The following CALHM1 variants were observed in gnomAD, a reference collection of about 807,000 sequenced individuals.
The protein encoded by CALHM1 is calcium homeostasis modulator 1, also known as calcium homeostasis modulator protein 1.
Under a neutral mutation model 14.8 loss-of-function variants are expected in CALHM1, and 11 were observed. That is an observed-to-expected ratio of 0.74 (90% CI 0.47 to 1.23). CALHM1 has a LOEUF of 1.23. CALHM1 is among the 50% of genes most tolerant of loss of function. CALHM1 has a pLI of 0.00. For missense variants in CALHM1, 458 were observed against 496.4 expected (o/e 0.92, Z 0.74); for synonymous variants, 215 against 218.9 (o/e 0.98, Z 0.16).
In CALHM1 at chr10:103,455,112, G is replaced by T; in HGVS notation, c.*150C>A. 8.3e-7 allele frequency: 1 copy of T among 1,199,810 alleles called. No individual in the cohort carries two copies. The highest frequency in any genetic ancestry group is 1.1e-6 in the Non-Finnish European group (1 of 884,816). The allele number at this position is 1,199,810 out of a possible 1,614,324, so 74.3% of individuals were successfully genotyped here. ...ATCCCCTTCCAGCTCCAAATTTCCT[G>T]CCTCCAATGGGCAGGCGAGTGCTAG... is the stretch of plus-strand genomic sequence containing the variant. On this transcript the variant is annotated 3_prime_UTR_variant, in exon 2 of 2. Transcript: ENST00000329905.
At position 103,455,495 on chromosome 10, in the gene CALHM1, C is replaced by T. The variant is rs1428613690; in HGVS notation, c.808G>A (p.Ala270Thr). The part of the protein sequence containing the change: ...LGHTHGTLAT[A>T]PASAAAPTTP... ...GTGGGGGCAGCTGCGGAAGCAGGGG[C>T]CGTGGCCAGTGTCCCGTGGGTGTGA... The change falls in exon 2 of 2, where the codon GCC becomes ACC. Residue 270 changes from alanine (A) to threonine (T), a missense_variant. By Grantham distance (58) the Ala-to-Thr change is moderately conservative. Transcript: ENST00000329905. The T allele has an allele frequency of 7.4e-6, 12 of 1,613,286 alleles. No homozygotes were observed. The highest frequency in any genetic ancestry group is 1.0e-5 in the Non-Finnish European group (12 of 1,179,824).
At position 103,456,302 on chromosome 10, in the gene CALHM1, T is replaced by TA. The variant is rs573429681; in HGVS notation, c.556-556dup. Among the ~76,000 whole-genome samples, 280 of 152,332 alleles carry TA rather than the reference T, an allele frequency of 1.8e-3. 1 individual carries two copies. The highest frequency in any genetic ancestry group is 6.5e-3 in the African/African-American group (271 of 41,578). On this transcript the variant is annotated intron_variant, in intron 1 of 1. Coordinates refer to ENST00000329905, the MANE Select transcript of CALHM1 (RefSeq NM_001001412.4). Reference sequence around the variant, plus strand: ...AGCCTTCCTTGATCTCCCCAGGCCATAGTGGCCCATTTTCCTCTGAGTCCT... The same window carrying TA: ...AGCCTTCCTTGATCTCCCCAGGCCATAAGTGGCCCATTTTCCTCTGAGTCCT...
At chr10:103,456,312 T>A (rs2033150113) in intron 1 of CALHM1, among the ~76,000 whole-genome samples, 1 of 152,194 alleles carries the variant, frequency 6.6e-6, no homozygotes, top group Non-Finnish European at 1.5e-5. Flanking sequence ...TAGTGGCCCA[T>A]TTTCCTCTGA....
chr10:103,458,857 C>G lies in CALHM1; in HGVS notation c.-106G>C. On this transcript the variant is annotated 5_prime_UTR_variant, in exon 1 of 2. Transcript: ENST00000329905. This position sits in a 1 kb window ranked among gnomAD's most constrained non-coding sequence, Gnocchi z 4.9. ...GTGCCCACCTCATGACTCGGGCTCT[C>G]CTGGCTGGGACCAACAGAGCTCAGA... 1 of 1,177,262 alleles carries G rather than the reference C, an allele frequency of 8.5e-7. No individual in the cohort carries two copies. Among genetic ancestry groups the G allele is most frequent in the Non-Finnish European group, 1.2e-6 (1 of 855,294 alleles). 72.9% of individuals were successfully genotyped at this position (1,177,262 alleles called of 1,614,324 possible). A position where few individuals can be genotyped will look rare whatever the true frequency, so the allele number is the denominator to read the frequency against.
Position 103,458,298 on chromosome 10 carries a change from G to C in CALHM1, c.454C>G (p.Leu152Val). Residue 152 changes from leucine (L) to valine (V), a missense_variant, in exon 1 of 2, where the codon CTC becomes GTC. Physicochemically the swap from Leu to Val is conservative, Grantham distance 32. Coordinates refer to ENST00000329905, the MANE Select transcript of CALHM1 (RefSeq NM_001001412.4). The surrounding 1 kb of genome is among the most constrained non-coding windows in gnomAD (Gnocchi z 4.9). Reference protein sequence around the residue: ...SLAPGLPAPELARLLARVPCP... With the variant: ...SLAPGLPAPEVARLLARVPCP... ...GGCACCCGGGCCAGCAGGCGGGCGA[G>C]CTCGGGGGCAGGAAGGCCGGGTGCC... The C allele has an allele frequency of 6.2e-7, 1 of 1,611,844 alleles. No individual in the cohort carries two copies. Among genetic ancestry groups the C allele is most frequent in the Non-Finnish European group, 8.5e-7 (1 of 1,179,474 alleles).
Position 103,454,765 on chromosome 10 carries a change from G to A in CALHM1, c.*497C>T, listed in dbSNP as rs116813635. 2.2e-3 allele frequency: 349 copies of A among 160,846 alleles called. No individual in the cohort carries two copies. The highest frequency in any genetic ancestry group is 7.1e-3 in the African/African-American group (295 of 41,696). 10.0% of individuals were successfully genotyped at this position (160,846 alleles called of 1,614,324 possible). A position where few individuals can be genotyped will look rare whatever the true frequency, so the allele number is the denominator to read the frequency against. ...TGTCATGTCCTTATGGACCTGCCCC[G>A]GCACACCCAGTCTCACCTACGACAC... On this transcript the variant is annotated 3_prime_UTR_variant, in exon 2 of 2. Transcript: ENST00000329905.
Position 103,458,784 on chromosome 10 carries a change from C to A in CALHM1, c.-33G>T. The A allele has an allele frequency of 6.4e-7, 1 of 1,563,512 alleles. No homozygotes were observed. Among genetic ancestry groups the A allele is most frequent in the South Asian group, 1.2e-5 (1 of 82,430 alleles). On this transcript the variant is annotated 5_prime_UTR_variant, in exon 1 of 2. Coordinates refer to ENST00000329905, the MANE Select transcript of CALHM1 (RefSeq NM_001001412.4). This position sits in a 1 kb window ranked among gnomAD's most constrained non-coding sequence, Gnocchi z 4.9. Reference sequence around the variant, plus strand: ...GTGGGGCCCGGCCTCCTCTTCCCAACTCACTGCTGCCTCCAAGAGGGCCCC... The same window carrying A: ...GTGGGGCCCGGCCTCCTCTTCCCAAATCACTGCTGCCTCCAAGAGGGCCCC...
At chr10:103,456,772 C>T (rs1007199693) in intron 1 of CALHM1, among the ~76,000 whole-genome samples, 3 of 152,156 alleles carry the variant, frequency 2.0e-5, no homozygotes, top group Non-Finnish European at 2.9e-5. Flanking sequence ...TGAAAAATTC[C>T]GATTTTTATT....
Position 103,453,954 on chromosome 10 carries a change from C to T in CALHM1, c.*1308G>A, listed in dbSNP as rs1019338167. 2.6e-5 allele frequency: 4 copies of T among 152,308 alleles called. No homozygotes were observed. Among genetic ancestry groups the T allele is most frequent in the Admixed American group, 2.6e-4 (4 of 15,300 alleles). 9.4% of individuals were successfully genotyped at this position (152,308 alleles called of 1,614,324 possible). A position where few individuals can be genotyped will look rare whatever the true frequency, so the allele number is the denominator to read the frequency against. ...TGGATAAAAAAGGATGGAATCATGC[C>T]AAGATCAAAATGAATCCTTAGATGC... is the stretch of plus-strand genomic sequence containing the variant. On this transcript the variant is annotated 3_prime_UTR_variant, in exon 2 of 2. Coordinates refer to ENST00000329905, the MANE Select transcript of CALHM1 (RefSeq NM_001001412.4).
Position 103,455,347 on chromosome 10 carries a change from TC to T in CALHM1, c.955del (p.Glu319SerfsTer4), listed in dbSNP as rs1325741443. ...CCAGCCGTTGCCCATCAGCGGTGGC[TC>T]CTCCTGGCCCAGCCGCAGAGGCGGT... is the stretch of plus-strand genomic sequence containing the variant. ...CKPPLRLGQEEPPLMGNGWAG... is the reference protein window; with the variant it reads ...CKPPLRLGQEXPPLMGNGWAG... On this transcript the variant is annotated frameshift_variant, in exon 2 of 2. Coordinates refer to ENST00000329905, the MANE Select transcript of CALHM1 (RefSeq NM_001001412.4). LOFTEE classifies it high-confidence loss of function. The T allele has an allele frequency of 6.2e-7, 1 of 1,613,374 alleles. No homozygotes were observed. The highest frequency in any genetic ancestry group is 8.5e-7 in the Non-Finnish European group (1 of 1,179,982).
chr10:103,458,416 G>C lies in CALHM1; in HGVS notation c.336C>G (p.Val112=), dbSNP rs200862357. The change falls in exon 1 of 2, where the codon GTC becomes GTG. Residue 112 remains valine (V), a synonymous_variant. Coordinates refer to ENST00000329905, the MANE Select transcript of CALHM1 (RefSeq NM_001001412.4). The surrounding 1 kb of genome is among the most constrained non-coding windows in gnomAD (Gnocchi z 4.9). ...CGAGTAGCGTGACGGCCACCCAGAC[G>C]ACAGGCGCGATGAGGGCGCGCTGGG... ...SMAQRALIAP[V]VWVAVTLLDG... The C allele has an allele frequency of 1.2e-6, 2 of 1,609,396 alleles. No individual in the cohort carries two copies. The highest frequency in any genetic ancestry group is 1.1e-5 in the South Asian group (1 of 90,868).
In CALHM1 at chr10:103,455,186, CT is replaced by C; in HGVS notation, c.*75del. The C allele has an allele frequency of 5.4e-6, 8 of 1,482,118 alleles. No homozygotes were observed. The highest frequency in any genetic ancestry group is 7.2e-6 in the Non-Finnish European group (8 of 1,115,326). The allele number at this position is 1,482,118 out of a possible 1,614,324, so 91.8% of individuals were successfully genotyped here. On this transcript the variant is annotated 3_prime_UTR_variant, in exon 2 of 2. Transcript: ENST00000329905. The stretch of plus-strand genomic sequence containing the variant: ...GTACTGCCCAGCACTGAAACCCTTC[CT>C]TTTTCCACCTGGTTTGGGGGTTGGA...
intron 1 of CALHM1, 120 bp from the exon 2 acceptor site, chr10:103,455,867 AG>A: frequency 1.6e-6 from 2 of 1,246,502 alleles, no homozygotes; most frequent in East Asian, 2.5e-5. Context: ...TGGGCAAGTG[AG>A]CTTGCCTCTT....
Position 103,458,795 on chromosome 10 carries a change from C to A in CALHM1, c.-44G>T. On this transcript the variant is annotated 5_prime_UTR_variant, in exon 1 of 2. The change creates a new upstream start codon in the 5' untranslated region. Transcript: ENST00000329905. This position sits in a 1 kb window ranked among gnomAD's most constrained non-coding sequence, Gnocchi z 4.9. Reference sequence around the variant, plus strand: ...CCTCCTCTTCCCAACTCACTGCTGCCTCCAAGAGGGCCCCTGCTGCCCACC... The same window carrying A: ...CCTCCTCTTCCCAACTCACTGCTGCATCCAAGAGGGCCCCTGCTGCCCACC... 1 of 1,544,516 alleles carries A rather than the reference C, an allele frequency of 6.5e-7. No individual in the cohort carries two copies. Among genetic ancestry groups the A allele is most frequent in the Non-Finnish European group, 8.7e-7 (1 of 1,148,742 alleles).
At position 103,455,819 on chromosome 10, in the gene CALHM1, C is replaced by T. The variant is rs7072564; in HGVS notation, c.556-72G>A. On this transcript the variant is annotated intron_variant, in intron 1 of 1. Transcript: ENST00000329905. The stretch of plus-strand genomic sequence containing the variant: ...CGAGCCTGTTCAGACTCCCAAAGCA[C>T]TCTCTATGCCAGTGCCTCTAGGGCA... 3,224 of 1,510,514 alleles carry T rather than the reference C, an allele frequency of 2.1e-3. 61 individuals carry two copies. The African/African-American group carries it at 0.039, about 18-fold the overall frequency. The allele number at this position is 1,510,514 out of a possible 1,614,324, so 93.6% of individuals were successfully genotyped here.
In CALHM1 at chr10:103,455,405, T is replaced by A. The variant is rs376188297; in HGVS notation, c.898A>T (p.Asn300Tyr). 1.9e-6 allele frequency: 3 copies of A among 1,614,042 alleles called. No individual in the cohort carries two copies. In the South Asian group the frequency reaches 3.3e-5, roughly 18 times the overall value. The change falls in exon 2 of 2, where the codon AAC becomes TAC. Residue 300 changes from asparagine to tyrosine, a missense_variant. Transcript: ENST00000329905. ...LRGITDQGTM[N>Y]RLLTSWHKCK... is the part of the protein sequence containing the mutation. ...TTGTGCCAGCTCGTGAGCAGCCTGT[T>A]CATGGTGCCTTGATCCGTGATGCCA...
rs1426934001 is a variant in CALHM1 at position 103,453,505 on chromosome 10, T to G, written c.*1757A>C. 6.6e-6 allele frequency: 1 copy of G among 152,024 alleles called. No homozygotes were observed. Among genetic ancestry groups the G allele is most frequent in the Non-Finnish European group, 1.5e-5 (1 of 68,016 alleles). The allele number at this position is 152,024 out of a possible 1,614,324, so 9.4% of individuals were successfully genotyped here. ...TCCAACTCCCAGGCTCAAGTGATCC[T>G]CCCTCCTTGGCCTCCCAAGTGCTGG... is the stretch of plus-strand genomic sequence containing the variant. On this transcript the variant is annotated 3_prime_UTR_variant, in exon 2 of 2. Coordinates refer to ENST00000329905, the MANE Select transcript of CALHM1 (RefSeq NM_001001412.4).
chr10:103,458,373 A>G lies in CALHM1; in HGVS notation c.379T>C (p.Cys127Arg). 6.2e-7 allele frequency: 1 copy of G among 1,609,830 alleles called. No homozygotes were observed. Residue 127 changes from cysteine to arginine, a missense_variant, in exon 1 of 2, where the codon TGT becomes CGT. Physicochemically the swap from Cys to Arg is radical, Grantham distance 180 (BLOSUM62 -3). Coordinates refer to ENST00000329905, the MANE Select transcript of CALHM1 (RefSeq NM_001001412.4). The surrounding 1 kb of genome is among the most constrained non-coding windows in gnomAD (Gnocchi z 4.9). ...VTLLDGKCFL[C>R]AFCTAVPVSA... ...ACGGGCACGGCAGTGCAGAAGGCAC[A>G]GAGGAAGCATTTGCCGTCGAGTAGC...
rs1390207238 is a variant in CALHM1, at chr10:103,453,592, A to G, written c.*1670T>C. ...GTCTTCTAATATCCATTTTATAGAC[A>G]GACACACTGAGGCTTAGAGTGGCTG... On this transcript the variant is annotated 3_prime_UTR_variant, in exon 2 of 2. Transcript: ENST00000329905. 1 of 152,134 alleles carries G rather than the reference A, an allele frequency of 6.6e-6. No individual in the cohort carries two copies. Among genetic ancestry groups the G allele is most frequent in the East Asian group, 1.9e-4 (1 of 5,178 alleles). The allele number at this position is 152,134 out of a possible 1,614,324, so 9.4% of individuals were successfully genotyped here.
Sources: allele counts gnomAD v4.1 joint callset (sites outside exome capture counted in the v4.1 genomes callset), GRCh38; gene constraint gnomAD v4.1.1; non-coding constraint Gnocchi (gnomAD v3.1); transcripts MANE v1.5; gene names NCBI Gene and HGNC (gene_info 2026-07-23, HGNC 2026-07-21).